The following CXCR2 variants were observed in gnomAD, a reference collection of about 807,000 sequenced individuals.
CXCR2 encodes the protein C-X-C chemokine receptor type 2.
Under a neutral mutation model 3.7 loss-of-function variants are expected in CXCR2, and 2 were observed. That is an observed-to-expected ratio of 0.55 (90% CI 0.22 to 1.72). The LOEUF is 1.72. Ranked by LOEUF, CXCR2 falls within the 40% of genes most tolerant of loss-of-function variation. The pLI is 0.19. For missense variants in CXCR2, 351 were observed against 450.1 expected (o/e 0.78, Z 1.99); for synonymous variants, 203 against 193.3 (o/e 1.05, Z -0.41).
At chr2:218,128,126 T>C (rs1410580573) in intron 1 of CXCR2, among the ~76,000 whole-genome samples, 3 of 152,232 alleles carry the variant, frequency 2.0e-5, no homozygotes, top group Non-Finnish European at 4.4e-5. Flanking sequence ...GGCCCCATTT[T>C]ACAGATGAGT....
Position 218,135,553 on chromosome 2 carries a change from G to A in CXCR2, c.752G>A (p.Arg251Gln), listed in dbSNP as rs199561988. The A allele has an allele frequency of 6.9e-5, 111 of 1,614,052 alleles. 1 individual carries two copies. In the Middle Eastern group the frequency reaches 8.2e-4, roughly 12 times the overall value. ...AHMGQKHRAM[R>Q]VIFAVVLIFL... Reference sequence around the variant, plus strand: ...ATGGGGCAGAAGCACCGGGCCATGCGGGTCATCTTTGCTGTCGTCCTCATC... The same window carrying A: ...ATGGGGCAGAAGCACCGGGCCATGCAGGTCATCTTTGCTGTCGTCCTCATC... The change falls in exon 3 of 3, where the codon CGG becomes CAG. Residue 251 changes from arginine to glutamine, a missense_variant. By Grantham distance (43) the Arg-to-Gln change is conservative. Coordinates refer to ENST00000318507, the MANE Select transcript of CXCR2 (RefSeq NM_001557.4). The surrounding 1 kb of genome is among the most constrained non-coding windows in gnomAD (Gnocchi z 4.0).
intron 1 of CXCR2, among the ~76,000 whole-genome samples, chr2:218,128,756 G>A (rs143822044): frequency 1.3e-5 from 2 of 152,304 alleles, no homozygotes; most frequent in African/African-American, 4.8e-5. Context: ...TGGACTTGTG[G>A]TCAGAGCAGA....
chr2:218,127,129 T>C (rs900599486), intron 1 of CXCR2, among the ~76,000 whole-genome samples: 2 of 152,134 alleles, frequency 1.3e-5, no homozygotes, highest in Non-Finnish European at 2.9e-5. Flanking sequence ...GCCAGGTTTT[T>C]GTTTTGTTTT....
At position 218,135,314 on chromosome 2, in the gene CXCR2, T is replaced by C; in HGVS notation, c.513T>C (p.Gly171=). Residue 171 remains glycine (G), a synonymous_variant, in exon 3 of 3, where the codon GGT becomes GGC. Coordinates refer to ENST00000318507, the MANE Select transcript of CXCR2 (RefSeq NM_001557.4). The surrounding 1 kb of genome is among the most constrained non-coding windows in gnomAD (Gnocchi z 4.0). Reference sequence around the variant, plus strand: ...AATTCATATGTCTCAGCATCTGGGGTCTGTCCTTGCTCCTGGCCCTGCCTG... The same window carrying C: ...AATTCATATGTCTCAGCATCTGGGGCCTGTCCTTGCTCCTGGCCCTGCCTG... ...LVKFICLSIW[G]LSLLLALPVL... 1 of 1,614,120 alleles carries C rather than the reference T, an allele frequency of 6.2e-7. No individual in the cohort carries two copies. The highest frequency in any genetic ancestry group is 2.2e-5 in the East Asian group (1 of 44,880).
chr2:218,126,916 TCCG>T lies in CXCR2; in HGVS notation c.-78+566_-78+568del, dbSNP rs752740056. On this transcript the variant is annotated intron_variant, in intron 1 of 2. Transcript: ENST00000318507. ...ATCTCAAACTCCTGGGCTCAAGCGA[TCCG>T]CCCACCTCGGCCTCCCAAAGTGCTG... 1.4e-3 allele frequency among the ~76,000 whole-genome samples: 207 copies of T among 152,284 alleles called. 1 individual carries two copies. Among genetic ancestry groups the T allele is most frequent in the Non-Finnish European group, 2.0e-3 (139 of 68,016 alleles).
At chr2:218,134,636 C>A in intron 2 of CXCR2, 141 bp from the exon 3 acceptor site, 1 of 724,294 alleles carries the variant, frequency 1.4e-6, no homozygotes, top group Non-Finnish European at 2.2e-6. Flanking sequence ...AACCTAAGAG[C>A]TACCACTTAC....
chr2:218,129,203 G>A (rs1275231156), intron 1 of CXCR2, 111 bp from the exon 2 acceptor site: 1 of 152,298 alleles, frequency 6.6e-6, no homozygotes, highest in East Asian at 1.9e-4. Context: ...ATTATTCAAA[G>A]TTATCAAAAT....
In CXCR2 at chr2:218,135,457, G is replaced by A; in HGVS notation, c.656G>A (p.Gly219Asp). The A allele has an allele frequency of 6.2e-7, 1 of 1,614,160 alleles. No individual in the cohort carries two copies. Residue 219 changes from glycine (G) to aspartate (D), a missense_variant, in exon 3 of 3, where the codon GGC becomes GAC. Transcript: ENST00000318507. This position sits in a 1 kb window ranked among gnomAD's most constrained non-coding sequence, Gnocchi z 4.0. ...TTACGGATCCTGCCCCAGTCCTTTGGCTTCATCGTGCCACTGCTGATCATG... is the reference window on the plus strand; with the variant it reads ...TTACGGATCCTGCCCCAGTCCTTTGACTTCATCGTGCCACTGCTGATCATG... ...MLLRILPQSF[G>D]FIVPLLIMLF...
Position 218,135,075 on chromosome 2 carries a change from T to C in CXCR2, c.274T>C (p.Leu92=), listed in dbSNP as rs142747099. The C allele has an allele frequency of 4.8e-5, 78 of 1,614,094 alleles. No individual in the cohort carries two copies. The African/African-American group carries it at 9.7e-4, about 20-fold the overall frequency. ...VTDVYLLNLA[L]ADLLFALTLP... ...TGATGTCTACCTGCTGAACCTAGCCTTGGCCGACCTACTCTTTGCCCTGAC... is the reference window on the plus strand; with the variant it reads ...TGATGTCTACCTGCTGAACCTAGCCCTGGCCGACCTACTCTTTGCCCTGAC... Residue 92 remains leucine (L), a synonymous_variant, in exon 3 of 3, where the codon TTG becomes CTG. Coordinates refer to ENST00000318507, the MANE Select transcript of CXCR2 (RefSeq NM_001557.4). The surrounding 1 kb of genome is among the most constrained non-coding windows in gnomAD (Gnocchi z 4.0).
chr2:218,125,919 C>T (rs1690497770), upstream of CXCR2: 1 of 152,456 alleles, frequency 6.6e-6, no homozygotes, highest in Non-Finnish European at 1.5e-5. Flanking sequence ...CTCACTCTGA[C>T]CCCGGAAAGA....
rs199642674 is a variant in CXCR2, at chr2:218,135,664, G to A, written c.863G>A (p.Arg288His). Residue 288 changes from arginine (R) to histidine (H), a missense_variant, in exon 3 of 3, where the codon CGC (arginine) becomes CAC (histidine). Coordinates refer to ENST00000318507, the MANE Select transcript of CXCR2 (RefSeq NM_001557.4). The surrounding 1 kb of genome is among the most constrained non-coding windows in gnomAD (Gnocchi z 4.0). ...RTQVIQETCE[R>H]RNHIDRALDA... ...CAGGTGATCCAGGAGACCTGTGAGCGCCGCAATCACATCGACCGGGCTCTG... is the reference window on the plus strand; with the variant it reads ...CAGGTGATCCAGGAGACCTGTGAGCACCGCAATCACATCGACCGGGCTCTG... 232 of 1,614,002 alleles carry A rather than the reference G, an allele frequency of 1.4e-4. 1 individual carries two copies. The highest frequency in any genetic ancestry group is 1.8e-4 in the South Asian group (16 of 91,062).
rs1433940520 is a variant in CXCR2 at position 218,136,093 on chromosome 2, A to T, written c.*209A>T. On this transcript the variant is annotated 3_prime_UTR_variant, in exon 3 of 3. Coordinates refer to ENST00000318507, the MANE Select transcript of CXCR2 (RefSeq NM_001557.4). Reference sequence around the variant, plus strand: ...TGCCTCACCCCTTGCCATAATTACTATGTCATTTGCTGGAGCTCTGCCCAT... The same window carrying T: ...TGCCTCACCCCTTGCCATAATTACTTTGTCATTTGCTGGAGCTCTGCCCAT... 1.7e-5 allele frequency: 10 copies of T among 594,286 alleles called. No homozygotes were observed. The highest frequency in any genetic ancestry group is 2.9e-5 in the Non-Finnish European group (10 of 342,362). 36.8% of individuals were successfully genotyped at this position (594,286 alleles called of 1,614,324 possible).
rs1574539056 is a variant in CXCR2 at position 218,131,104 on chromosome 2, A to T, written c.-26+1739A>T. On this transcript the variant is annotated intron_variant, in intron 2 of 2. Transcript: ENST00000318507. ...CTGGCTTCTCACAGCCAATATTCATACATACAAGGCCCTGCTCTCTAAGAG... is the reference window on the plus strand; with the variant it reads ...CTGGCTTCTCACAGCCAATATTCATTCATACAAGGCCCTGCTCTCTAAGAG... The T allele has an allele frequency of 2.6e-5, 4 of 152,400 alleles. 1 individual carries two copies. In the Middle Eastern group the frequency reaches 0.014, roughly 518 times the overall value. 9.4% of individuals were successfully genotyped at this position (152,400 alleles called of 1,614,324 possible).
At chr2:218,132,135 A>G (rs1289796499) in intron 2 of CXCR2, among the ~76,000 whole-genome samples, 1 of 152,132 alleles carries the variant, frequency 6.6e-6, no homozygotes, top group Non-Finnish European at 1.5e-5. Context: ...CATAAGTCAC[A>G]TACCCCAAAA....
chr2:218,131,938 G>A (rs556330392), intron 2 of CXCR2, among the ~76,000 whole-genome samples: 2 of 152,000 alleles, frequency 1.3e-5, no homozygotes, highest in Admixed American at 1.3e-4. Flanking sequence ...GGGAAAAGTG[G>A]CATTATTTTT....
At chr2:218,131,606 A>T (rs1690648681) in intron 2 of CXCR2, among the ~76,000 whole-genome samples, 1 of 151,324 alleles carries the variant, frequency 6.6e-6, no homozygotes, top group Admixed American at 6.6e-5. Context: ...AGTAGCTGGG[A>T]CCACAGGCGC....
chr2:218,135,408 A>G lies in CXCR2; in HGVS notation c.607A>G (p.Asn203Asp), dbSNP rs780353522. 1.9e-6 allele frequency: 3 copies of G among 1,614,262 alleles called. No individual in the cohort carries two copies. The highest frequency in any genetic ancestry group is 4.5e-5 in the East Asian group (2 of 44,888). ...SPACYEDMGN[N>D]TANWRMLLRI... ...AGCCTGCTATGAGGACATGGGCAAC[A>G]ATACAGCAAACTGGCGGATGCTGTT... Residue 203 changes from asparagine (N) to aspartate (D), a missense_variant, in exon 3 of 3, where the codon AAT (asparagine) becomes GAT (aspartate). Transcript: ENST00000318507. This position sits in a 1 kb window ranked among gnomAD's most constrained non-coding sequence, Gnocchi z 4.0.
chr2:218,128,853 C>T (rs1455518276), intron 1 of CXCR2, among the ~76,000 whole-genome samples: 1 of 152,218 alleles, frequency 6.6e-6, no homozygotes, highest in African/African-American at 2.4e-5. Context: ...CCACCAGACT[C>T]ACCAGAAGCT....
chr2:218,136,183 C>G lies in CXCR2; in HGVS notation c.*299C>G, dbSNP rs199960281. ...GAAAATCTACACTCCAGTGAGACAGCTCTGCATACTCATTAGGATGGCTAG... is the reference window on the plus strand; with the variant it reads ...GAAAATCTACACTCCAGTGAGACAGGTCTGCATACTCATTAGGATGGCTAG... On this transcript the variant is annotated 3_prime_UTR_variant, in exon 3 of 3. Transcript: ENST00000318507. 3.5e-5 allele frequency: 12 copies of G among 339,668 alleles called. No homozygotes were observed. The highest frequency in any genetic ancestry group is 6.2e-5 in the Non-Finnish European group (11 of 176,834). 21.0% of individuals were successfully genotyped at this position (339,668 alleles called of 1,614,324 possible).
Sources: gnomAD v4.1 joint callset for allele counts (sites outside exome capture counted in the v4.1 genomes callset) on GRCh38, gnomAD v4.1.1 for gene constraint, Gnocchi (gnomAD v3.1) non-coding constraint, MANE v1.5 for transcripts, NCBI Gene and HGNC (gene_info 2026-07-23, HGNC 2026-07-21) for gene names.